SULT2B1: variants seen among roughly 807,000 people sequenced by gnomAD.
SULT2B1 encodes the protein sulfotransferase 2B1.
SULT2B1 carries 16 observed loss-of-function variants against 33.2 expected under a neutral mutation model. The observed-to-expected ratio is 0.48, with a 90% confidence interval of 0.33 to 0.73. SULT2B1 has a LOEUF of 0.73. Ranked by LOEUF, SULT2B1 falls within the 30% of genes least tolerant of loss-of-function variation. The pLI, the probability that SULT2B1 is intolerant of heterozygous loss-of-function variation, is 0.02. For synonymous variants in SULT2B1, 186 were observed against 200.5 expected, an observed-to-expected ratio of 0.93 and a Z score of 0.61; for missense variants, 500 against 506.0, an observed-to-expected ratio of 0.99 and a Z score of 0.11.
At chr19:48,569,352 A>C (rs374014627) in intron 1 of SULT2B1, among the ~76,000 whole-genome samples, 6 of 14,118 alleles carry the variant, frequency 4.2e-4, no homozygotes, top group Non-Finnish European at 5.5e-4. Flanking sequence ...AAAAAAAAAA[A>C]AAAAAAAAAA....
intron 5 of SULT2B1, among the ~76,000 whole-genome samples, chr19:48,594,520 C>T (rs1478983815): frequency 6.6e-6 from 1 of 152,192 alleles, no homozygotes; most frequent in Non-Finnish European, 1.5e-5. Flanking sequence ...TTCTCCAAAC[C>T]CAGAACTGGG....
chr19:48,581,764 C>G (rs963178212), intron 2 of SULT2B1, among the ~76,000 whole-genome samples: 5 of 150,400 alleles, frequency 3.3e-5, no homozygotes, highest in African/African-American at 1.2e-4. Flanking sequence ...GCCGAGAGTT[C>G]TTTATATGAT....
intron 2 of SULT2B1, among the ~76,000 whole-genome samples, chr19:48,579,472 C>T (rs541014859): frequency 2.4e-4 from 37 of 151,840 alleles, no homozygotes; most frequent in African/African-American, 8.2e-4. Flanking sequence ...TTAGTAGAGA[C>T]GGGGTTTCAC....
chr19:48,569,272 G>A (rs568900979), intron 1 of SULT2B1, among the ~76,000 whole-genome samples: 1 of 150,728 alleles, frequency 6.6e-6, no homozygotes. Flanking sequence ...AATCCAGGAG[G>A]CGGAGCTTGC....
intron 3 of SULT2B1, among the ~76,000 whole-genome samples, chr19:48,589,818 C>T (rs1973619593): frequency 1.3e-5 from 2 of 152,220 alleles, no homozygotes; most frequent in Admixed American, 1.3e-4. Context: ...AAATTCGTCA[C>T]GTGTAGTGGC....
At chr19:48,592,958 C>A in intron 5 of SULT2B1, 142 bp downstream of exon 5, 1 of 709,580 alleles carries the variant, frequency 1.4e-6, no homozygotes, top group Non-Finnish European at 2.4e-6. Context: ...AGGAACAGAA[C>A]AGAGGCCCTG....
At chr19:48,591,490 C>A in intron 3 of SULT2B1, 119 bp from the exon 4 acceptor site, 3 of 1,220,750 alleles carry the variant, frequency 2.5e-6, no homozygotes, top group Admixed American at 2.7e-5. Context: ...AAAGAGTCTG[C>A]CCTGAGTCCT....
chr19:48,552,422 C>A lies in SULT2B1; in HGVS notation c.71+99C>A. Reference sequence around the variant, plus strand: ...GGCAAGGGTGGCCTCCAGCCACCCGCAGCCGCAGGCCTGGCCCAGACTTAG... The same window carrying A: ...GGCAAGGGTGGCCTCCAGCCACCCGAAGCCGCAGGCCTGGCCCAGACTTAG... On this transcript the variant is annotated intron_variant, in intron 1 of 6. Coordinates refer to ENST00000201586, the MANE Select transcript of SULT2B1 (RefSeq NM_177973.2). This position sits in a 1 kb window ranked among gnomAD's most constrained non-coding sequence, Gnocchi z 4.8. 1 of 1,306,866 alleles carries A rather than the reference C, an allele frequency of 7.7e-7. No homozygotes were observed. Among genetic ancestry groups the A allele is most frequent in the Non-Finnish European group, 1.1e-6 (1 of 939,078 alleles). The allele number at this position is 1,306,866 out of a possible 1,614,324, so 81.0% of individuals were successfully genotyped here.
intron 2 of SULT2B1, among the ~76,000 whole-genome samples, chr19:48,579,823 T>C (rs1973463129): frequency 6.6e-6 from 1 of 150,836 alleles, no homozygotes; most frequent in Non-Finnish European, 1.5e-5. Context: ...GCCAGGCTGG[T>C]CTCGAACTCC....
intron 2 of SULT2B1, among the ~76,000 whole-genome samples, chr19:48,583,639 C>T (rs1973523976): frequency 6.6e-6 from 1 of 151,904 alleles, no homozygotes; most frequent in African/African-American, 2.4e-5. Context: ...CCAAAATGGC[C>T]AAACCCCGTC....
At chr19:48,563,328 C>T (rs749188690) in intron 1 of SULT2B1, among the ~76,000 whole-genome samples, 67 of 152,076 alleles carry the variant, frequency 4.4e-4, no homozygotes, top group Non-Finnish European at 8.8e-4. Context: ...GAAATGAGAA[C>T]GCCGGTTCCC....
chr19:48,580,100 C>CTTT (rs35197699), intron 2 of SULT2B1, among the ~76,000 whole-genome samples: 6 of 142,232 alleles, frequency 4.2e-5, no homozygotes, highest in South Asian at 2.3e-4. Context: ...ATTAAAAAAA[C>CTTT]TTTTTTTTTT....
chr19:48,595,613 A>C (rs1392839294), intron 5 of SULT2B1, among the ~76,000 whole-genome samples: 1 of 151,326 alleles, frequency 6.6e-6, no homozygotes, highest in Non-Finnish European at 1.5e-5. Flanking sequence ...AGGGTGGGAA[A>C]GGTATTGGAA....
chr19:48,584,185 C>T (rs1973533327), intron 2 of SULT2B1, among the ~76,000 whole-genome samples: 1 of 152,178 alleles, frequency 6.6e-6, no homozygotes, highest in South Asian at 2.1e-4. Flanking sequence ...TGAAGCCAAA[C>T]TCCCAAGAAA....
chr19:48,574,336 CT>C (rs1170094017), intron 1 of SULT2B1, among the ~76,000 whole-genome samples: 1 of 152,254 alleles, frequency 6.6e-6, no homozygotes, highest in African/African-American at 2.4e-5. Context: ...AGTCCCAGCA[CT>C]GTGGGCTCCA....
intron 2 of SULT2B1, among the ~76,000 whole-genome samples, chr19:48,577,735 CCAA>C (rs1348582526): frequency 6.6e-6 from 1 of 152,108 alleles, no homozygotes; most frequent in Non-Finnish European, 1.5e-5. Context: ...CCCACCTCCT[CCAA>C]CAAGTATTTA....
At chr19:48,553,906 G>A (rs914591962) in intron 1 of SULT2B1, among the ~76,000 whole-genome samples, 3 of 152,208 alleles carry the variant, frequency 2.0e-5, no homozygotes, top group African/African-American at 7.2e-5. Flanking sequence ...AGATAAGCCA[G>A]CTCGCCTCCA....
chr19:48,552,413 A>AG lies in SULT2B1; in HGVS notation c.71+91dup. 5 of 1,338,242 alleles carry AG rather than the reference A, an allele frequency of 3.7e-6. No homozygotes were observed. The highest frequency in any genetic ancestry group is 4.1e-6 in the Non-Finnish European group (4 of 974,912). The allele number at this position is 1,338,242 out of a possible 1,614,324, so 82.9% of individuals were successfully genotyped here. A position where few individuals can be genotyped will look rare whatever the true frequency, so the allele number is the denominator to read the frequency against. The stretch of plus-strand genomic sequence containing the variant: ...GGGGACTGTGGCAAGGGTGGCCTCC[A>AG]GCCACCCGCAGCCGCAGGCCTGGCC... On this transcript the variant is annotated intron_variant, in intron 1 of 6. Transcript: ENST00000201586. This position sits in a 1 kb window ranked among gnomAD's most constrained non-coding sequence, Gnocchi z 4.8.
intron 2 of SULT2B1, among the ~76,000 whole-genome samples, chr19:48,584,466 T>C (rs1973537097): frequency 6.6e-6 from 1 of 152,214 alleles, no homozygotes; most frequent in Non-Finnish European, 1.5e-5. Flanking sequence ...CGCCCTCTGC[T>C]GACAAGGTTT....
Sources: allele counts gnomAD v4.1 joint callset (sites outside exome capture counted in the v4.1 genomes callset), GRCh38; gene constraint gnomAD v4.1.1; non-coding constraint Gnocchi (gnomAD v3.1); transcripts MANE v1.5; gene names NCBI Gene and HGNC (gene_info 2026-07-23, HGNC 2026-07-21).